DGKQ: variants seen among roughly 807,000 people sequenced by gnomAD.
DGKQ encodes the protein diacylglycerol kinase theta.
A neutral mutation model predicts 104.2 loss-of-function variants in DGKQ; 97 were observed. The observed-to-expected ratio is 0.93, with a 90% confidence interval of 0.79 to 1.10. The LOEUF (loss-of-function observed/expected upper bound fraction) is 1.10, where lower values mean the gene tolerates loss of function less well. Among genes scored for constraint, DGKQ ranks in the 50% least tolerant of loss-of-function variants. DGKQ has a pLI of 0.00. For synonymous variants in DGKQ, 736 were observed against 595.2 expected (o/e 1.24, Z -3.44); for missense variants, 1,465 against 1,352.1 (o/e 1.08, Z -1.31).
chr4:967,120 C>G lies in DGKQ; in HGVS notation c.1220+9G>C. On this transcript the variant is annotated intron_variant, in intron 9 of 22. Coordinates refer to ENST00000273814, the MANE Select transcript of DGKQ (RefSeq NM_001347.4). ...CCCAGCAGACCCTGAGCCTCGGGCC[C>G]AGTCTCACTTGAGCCAGCCAGGGTA... 6.4e-7 allele frequency: 1 copy of G among 1,572,426 alleles called. No individual in the cohort carries two copies. The highest frequency in any genetic ancestry group is 8.6e-7 in the Non-Finnish European group (1 of 1,157,356).
At chr4:968,693 C>G in intron 3 of DGKQ, 118 bp downstream of exon 3, 1 of 1,343,124 alleles carries the variant, frequency 7.4e-7, no homozygotes, top group Non-Finnish European at 1.0e-6. Context: ...GCCTGCCAGG[C>G]GGCCAGCCCT....
intron 19 of DGKQ, 35 bp from the exon 20 acceptor site, chr4:961,869 A>C (rs1489561375): frequency 6.3e-7 from 1 of 1,593,406 alleles, no homozygotes; most frequent in African/African-American, 1.3e-5. Context: ...TCACCAGGGG[A>C]AGCCCTACCC....
At chr4:966,843 C>T in intron 10 of DGKQ, 41 bp from the exon 11 acceptor site, 1 of 1,592,076 alleles carries the variant, frequency 6.3e-7, no homozygotes, top group Non-Finnish European at 8.6e-7. Context: ...GGCAGGCCCC[C>T]ACCACCTCAG....
rs1712220200 is a variant in DGKQ, at chr4:965,311, C to T, written c.1619-20G>A. The T allele has an allele frequency of 2.5e-6, 4 of 1,608,218 alleles. No individual in the cohort carries two copies. In the African/African-American group the frequency reaches 5.3e-5, roughly 22 times the overall value. ...CCGCGCCTGCGGCAGGAGCCCAGGACTCAGGGGGAGCCTGTCCCATGGCCC... is the reference window on the plus strand; with the variant it reads ...CCGCGCCTGCGGCAGGAGCCCAGGATTCAGGGGGAGCCTGTCCCATGGCCC... On this transcript the variant is annotated intron_variant, in intron 14 of 22. Transcript: ENST00000273814.
At chr4:966,838 GCCC>G in intron 10 of DGKQ, 36 bp from the exon 11 acceptor site, 1 of 1,595,140 alleles carries the variant, frequency 6.3e-7, no homozygotes, top group Non-Finnish European at 8.5e-7. Context: ...GTCTGGGCAG[GCCC>G]CCACCACCTC....
At chr4:962,203 AC>A in intron 18 of DGKQ, 121 bp from the exon 19 acceptor site, 1 of 976,984 alleles carries the variant, frequency 1.0e-6, no homozygotes, top group Non-Finnish European at 1.5e-6. Context: ...CAAGCCGAGC[AC>A]CCAGGAGAGG....
At position 968,597 on chromosome 4, in the gene DGKQ, G is replaced by A. The variant is rs549127377; in HGVS notation, c.452-33C>T. 2.6e-5 allele frequency: 40 copies of A among 1,554,684 alleles called. No homozygotes were observed. The South Asian group carries it at 2.6e-4, about 10-fold the overall frequency. On this transcript the variant is annotated intron_variant, in intron 3 of 22. Coordinates refer to ENST00000273814, the MANE Select transcript of DGKQ (RefSeq NM_001347.4). ...GCAGGCAGGGTTAGAGGTGTCTGCC[G>A]CCCCCGGAGGACCCCTGCCTCTGCC...
In DGKQ at chr4:962,528, G is replaced by A. The variant is rs535942547; in HGVS notation, c.2121C>T (p.Ala707=). 9.3e-6 allele frequency: 15 copies of A among 1,610,100 alleles called. No homozygotes were observed. The highest frequency in any genetic ancestry group is 1.7e-5 in the Admixed American group (1 of 60,006). Residue 707 remains alanine, a synonymous_variant, in exon 18 of 23, where the codon GCC becomes GCT. Coordinates refer to ENST00000273814, the MANE Select transcript of DGKQ (RefSeq NM_001347.4). Reference sequence around the variant, plus strand: ...TCCAGCGGTCCATGAGCACGGCGTCGGCCTCGTCCACAGACAGCAGTACGG... The same window carrying A: ...TCCAGCGGTCCATGAGCACGGCGTCAGCCTCGTCCACAGACAGCAGTACGG... ...PFSVLLSVDE[A]DAVLMDRWTI...
chr4:961,742 C>G lies in DGKQ; in HGVS notation c.2408G>C (p.Arg803Pro). The G allele has an allele frequency of 6.2e-7, 1 of 1,612,732 alleles. No individual in the cohort carries two copies. Among genetic ancestry groups the G allele is most frequent in the Non-Finnish European group, 8.5e-7 (1 of 1,179,888 alleles). ...LHKQIRLQVE[R>P]QEVELPSIEG... is the part of the protein sequence containing the mutation. Reference sequence around the variant, plus strand: ...AATACTGGGCAGCTCCACCTCCTGCCGCTCCACCTGCAGCCGGATCTGCTT... The same window carrying G: ...AATACTGGGCAGCTCCACCTCCTGCGGCTCCACCTGCAGCCGGATCTGCTT... Residue 803 changes from arginine to proline, a missense_variant, in exon 20 of 23, where the codon CGG becomes CCG. Transcript: ENST00000273814.
chr4:969,368 G>T (rs1179138079), intron 2 of DGKQ, among the ~76,000 whole-genome samples: 1 of 152,234 alleles, frequency 6.6e-6, no homozygotes, highest in Non-Finnish European at 1.5e-5. Flanking sequence ...CACAGGGACT[G>T]CCCTCTGGGA....
Position 967,997 on chromosome 4 carries a change from G to T in DGKQ, c.694C>A (p.Pro232Thr). Residue 232 changes from proline (P) to threonine (T), a missense_variant, in exon 6 of 23, where the codon CCC becomes ACC. Pro to Thr is a conservative substitution (Grantham distance 38, BLOSUM62 -1). Transcript: ENST00000273814. Reference sequence around the variant, plus strand: ...CGCAGACGCCCGAAGCCACACTCGGGAGCCAGCGCCGCGGAGCAGAGGGAG... The same window carrying T: ...CGCAGACGCCCGAAGCCACACTCGGTAGCCAGCGCCGCGGAGCAGAGGGAG... ...AHSLCSAALA[P>T]ECGFGRLRSL... is the part of the protein sequence containing the mutation. 1 of 1,463,102 alleles carries T rather than the reference G, an allele frequency of 6.8e-7. No homozygotes were observed. The highest frequency in any genetic ancestry group is 9.0e-7 in the Non-Finnish European group (1 of 1,116,690). The allele number at this position is 1,463,102 out of a possible 1,614,324, so 90.6% of individuals were successfully genotyped here. A position where few individuals can be genotyped will look rare whatever the true frequency, so the allele number is the denominator to read the frequency against.
At chr4:966,275 C>CG (rs1712328259) in intron 12 of DGKQ, 191 bp downstream of exon 12, 1 of 827,882 alleles carries the variant, frequency 1.2e-6, no homozygotes, top group Non-Finnish European at 1.9e-6. Flanking sequence ...TCGAGGACCT[C>CG]GGGGAGATCT....
intron 15 of DGKQ, 89 bp from the exon 16 acceptor site, chr4:963,379 C>G: frequency 7.8e-7 from 1 of 1,275,830 alleles, no homozygotes. Flanking sequence ...GCCCCCAACC[C>G]TGAGCCCACC....
chr4:962,166 A>G, intron 18 of DGKQ, 84 bp from the exon 19 acceptor site: 2 of 1,276,968 alleles, frequency 1.6e-6, no homozygotes, highest in Non-Finnish European at 1.1e-6. Flanking sequence ...CGGCAGGCAG[A>G]GACAAGAGCA....
At chr4:965,561 G>A in intron 13 of DGKQ, 32 bp from the exon 14 acceptor site, 1 of 1,608,648 alleles carries the variant, frequency 6.2e-7, no homozygotes, top group South Asian at 1.1e-5. Context: ...AGGGCGGTGG[G>A]AGGCGAAGGA....
At chr4:960,893 A>G (rs1194623980) in intron 22 of DGKQ, 156 bp downstream of exon 22, 1 of 985,100 alleles carries the variant, frequency 1.0e-6, no homozygotes, top group Admixed American at 6.1e-5. Context: ...CCGCCTGGCC[A>G]CTGGCACAGC....
rs759254355 is a variant in DGKQ at position 960,638 on chromosome 4, A to G, written c.2811T>C (p.Pro937=). Residue 937 remains proline, a synonymous_variant, in exon 23 of 23, where the codon CCT becomes CCC. Coordinates refer to ENST00000273814, the MANE Select transcript of DGKQ (RefSeq NM_001347.4). ...GCCACCCCTACCTAGGATCGCTCTC[A>G]GGGGCAGGCGCAGCATCCGCCCGGG... ...RDARADAAPA[P]ESDPR The G allele has an allele frequency of 1.9e-6, 3 of 1,611,696 alleles. No individual in the cohort carries two copies. The highest frequency in any genetic ancestry group is 1.7e-4 in the Middle Eastern group (1 of 6,058).
At position 968,844 on chromosome 4, in the gene DGKQ, T is replaced by C. The variant is rs765653506; in HGVS notation, c.418A>G (p.Lys140Glu). The C allele has an allele frequency of 1.2e-6, 2 of 1,610,760 alleles. No individual in the cohort carries two copies. Among genetic ancestry groups the C allele is most frequent in the Admixed American group, 1.7e-5 (1 of 59,812 alleles). Residue 140 changes from lysine (K) to glutamate (E), a missense_variant, in exon 3 of 23, where the codon AAG becomes GAG. By Grantham distance (56) the Lys-to-Glu change is moderately conservative. Coordinates refer to ENST00000273814, the MANE Select transcript of DGKQ (RefSeq NM_001347.4). The stretch of plus-strand genomic sequence containing the variant: ...TGGAGCGCCGGTGCCTCCAGGACCT[T>C]GCGGCAGACAGCACAGAACTTGCGC... ...HKRKFCAVCR[K>E]VLEAPALHCE...
rs1406095419 is a variant in DGKQ at position 961,753 on chromosome 4, C to G, written c.2397G>C (p.Leu799=). Residue 799 remains leucine (L), a synonymous_variant, in exon 20 of 23, where the codon CTG becomes CTC. Coordinates refer to ENST00000273814, the MANE Select transcript of DGKQ (RefSeq NM_001347.4). ...GCTCCACCTCCTGCCGCTCCACCTGCAGCCGGATCTGCTTGTGCAGGCTCC... is the reference window on the plus strand; with the variant it reads ...GCTCCACCTCCTGCCGCTCCACCTGGAGCCGGATCTGCTTGTGCAGGCTCC... The part of the protein sequence containing the change: ...HSRSLHKQIR[L]QVERQEVELP... 3 of 1,612,574 alleles carry G rather than the reference C, an allele frequency of 1.9e-6. No homozygotes were observed. The East Asian group carries it at 6.7e-5, about 36-fold the overall frequency.
Sources: allele counts gnomAD v4.1 joint callset (sites outside exome capture counted in the v4.1 genomes callset), GRCh38; gene constraint gnomAD v4.1.1; transcripts MANE v1.5; gene names NCBI Gene and HGNC (gene_info 2026-07-23, HGNC 2026-07-21).